Variants in CHRDL1 observed in about 807,000 individuals in gnomAD.
CHRDL1 encodes the protein chordin like 1, also known as chordin-like protein 1.
In CHRDL1, 19 loss-of-function variants were observed where a neutral mutation model predicts 40.9. The ratio of observed to expected loss-of-function variants is 0.46; its 90% CI spans 0.32 to 0.68. The LOEUF (loss-of-function observed/expected upper bound fraction) is 0.68, where lower values mean the gene tolerates loss of function less well. CHRDL1 is among the 30% of genes least tolerant of loss of function. The pLI is 0.03. For synonymous variants in CHRDL1, 136 were observed against 123.4 expected (o/e 1.10, Z -0.68); for missense variants, 329 against 352.1 (o/e 0.93, Z 0.53).
intron 2 of CHRDL1, among the ~76,000 whole-genome samples, chrX:110,785,557 C>T (rs2148535523): frequency 9.0e-6 from 1 of 111,316 alleles, no homozygotes; most frequent in East Asian, 2.8e-4. Context: ...CTTGTCTCCC[C>T]TAAGTTTATA....
intron 9 of CHRDL1, among the ~76,000 whole-genome samples, chrX:110,685,891 T>A (rs1285064272): frequency 3.7e-4 from 15 of 40,301 alleles, no homozygotes; most frequent in Non-Finnish European, 6.2e-4. Context: ...AGCCAATTTT[T>A]TTTTTTTTTT....
In CHRDL1 at chrX:110,752,037, G is replaced by A. The variant is rs757517022; in HGVS notation, c.301+7624C>T. 1.2e-4 allele frequency among the ~76,000 whole-genome samples: 13 copies of A among 112,140 alleles called. 1 individual carries two copies. The highest frequency in any genetic ancestry group is 7.5e-4 in the Admixed American group (8 of 10,637). Reference sequence around the variant, plus strand: ...AGTCAGGAACAGTAAGATAAACACCGTGTGTTCTCACTCATATGTGGAAGC... The same window carrying A: ...AGTCAGGAACAGTAAGATAAACACCATGTGTTCTCACTCATATGTGGAAGC... On this transcript the variant is annotated intron_variant, in intron 4 of 11. Coordinates refer to ENST00000372042, the MANE Select transcript of CHRDL1 (RefSeq NM_001143981.2).
intron 4 of CHRDL1, among the ~76,000 whole-genome samples, chrX:110,730,376 C>T (rs1254316400): frequency 9.0e-6 from 1 of 110,767 alleles, no homozygotes; most frequent in Non-Finnish European, 1.9e-5. Flanking sequence ...GGAAGACCGT[C>T]AGGTGTGATT....
At chrX:110,789,413 C>T (rs910099106) in intron 2 of CHRDL1, among the ~76,000 whole-genome samples, 4 of 111,859 alleles carry the variant, frequency 3.6e-5, no homozygotes, top group African/African-American at 1.3e-4. Flanking sequence ...ACATGCACTT[C>T]GACTATTTCT....
chrX:110,702,939 A>C (rs1164030021), intron 6 of CHRDL1, among the ~76,000 whole-genome samples: 2 of 112,179 alleles, frequency 1.8e-5, no homozygotes, highest in Non-Finnish European at 3.8e-5. Flanking sequence ...GAATCAATAA[A>C]TACTAAAACA....
At chrX:110,767,436 A>C (rs1481156536) in intron 2 of CHRDL1, among the ~76,000 whole-genome samples, 2 of 110,228 alleles carry the variant, frequency 1.8e-5, no homozygotes, top group Non-Finnish European at 3.8e-5. Context: ...GTTTACCTTG[A>C]AAACCATAAG....
intron 9 of CHRDL1, among the ~76,000 whole-genome samples, chrX:110,686,896 A>AC (rs1556328833): frequency 4.9e-5 from 5 of 102,261 alleles, no homozygotes; most frequent in African/African-American, 2.0e-4. Flanking sequence ...AAAAACAAAA[A>AC]ATAAAAAAAA....
In CHRDL1 at chrX:110,736,434, A is replaced by T. The variant is rs762008432; in HGVS notation, c.302-14904T>A. On this transcript the variant is annotated intron_variant, in intron 4 of 11. Transcript: ENST00000372042. Reference sequence around the variant, plus strand: ...TATTAATAAAAATTTCCAGTTTGAAACTGGGCTTCTTTTGGCAGCCAGATG... The same window carrying T: ...TATTAATAAAAATTTCCAGTTTGAATCTGGGCTTCTTTTGGCAGCCAGATG... 3.6e-5 allele frequency among the ~76,000 whole-genome samples: 4 copies of T among 112,331 alleles called. No individual in the cohort carries two copies. The Admixed American group carries it at 3.8e-4, about 11-fold the overall frequency.
intron 8 of CHRDL1, among the ~76,000 whole-genome samples, chrX:110,689,083 T>A (rs1246673996): frequency 3.7e-5 from 3 of 81,577 alleles, no homozygotes; most frequent in African/African-American, 1.4e-4. Flanking sequence ...TATATATATA[T>A]ATATATATAT....
chrX:110,689,476 CTATATATCTATATCTCTATATA>C (rs2070124326), intron 8 of CHRDL1, among the ~76,000 whole-genome samples: 2 of 49,740 alleles, frequency 4.0e-5, no homozygotes, highest in South Asian at 6.2e-4. Context: ...ATCTATATAT[CTATATATCTATATCTCTATATA>C]TCTATATATC....
intron 2 of CHRDL1, among the ~76,000 whole-genome samples, chrX:110,788,366 CAATT>C (rs1189378787): frequency 2.7e-5 from 3 of 111,772 alleles, no homozygotes; most frequent in African/African-American, 9.8e-5. Flanking sequence ...ATTTCTGAAT[CAATT>C]GAGTGAGCAT....
intron 2 of CHRDL1, among the ~76,000 whole-genome samples, chrX:110,782,982 C>G (rs1272116285): frequency 8.9e-6 from 1 of 112,067 alleles, no homozygotes; most frequent in Non-Finnish European, 1.9e-5. Flanking sequence ...ATGACCCAGA[C>G]AGAAACCTAC....
intron 6 of CHRDL1, among the ~76,000 whole-genome samples, chrX:110,714,973 C>A (rs1369948956): frequency 9.0e-6 from 1 of 111,410 alleles, no homozygotes; most frequent in African/African-American, 3.3e-5. Context: ...GGAGTTTCAA[C>A]CACATTATAT....
chrX:110,764,527 T>C (rs576640042), intron 2 of CHRDL1, among the ~76,000 whole-genome samples: 1 of 112,280 alleles, frequency 8.9e-6, no homozygotes, highest in East Asian at 2.8e-4. Flanking sequence ...ACTATGATAA[T>C]TGTGTTAACT....
At chrX:110,762,052 T>C (rs754554175) in intron 3 of CHRDL1, among the ~76,000 whole-genome samples, 5 of 112,267 alleles carry the variant, frequency 4.5e-5, no homozygotes, top group African/African-American at 1.6e-4. Flanking sequence ...AAAATAATTT[T>C]CAAAAACTAC....
At chrX:110,787,619 A>C (rs1018617188) in intron 2 of CHRDL1, among the ~76,000 whole-genome samples, 1 of 111,939 alleles carries the variant, frequency 8.9e-6, no homozygotes, top group Non-Finnish European at 1.9e-5. Flanking sequence ...AGTGGGCTTC[A>C]CATGTTTCAA....
intron 6 of CHRDL1, among the ~76,000 whole-genome samples, chrX:110,712,211 A>G (rs1198458854): frequency 8.9e-6 from 1 of 112,486 alleles, no homozygotes; most frequent in Non-Finnish European, 1.9e-5. Context: ...GTGGTCAAAG[A>G]AGATCAATGA....
At chrX:110,767,934 CA>C (rs1302864530) in intron 2 of CHRDL1, among the ~76,000 whole-genome samples, 2 of 111,806 alleles carry the variant, frequency 1.8e-5, no homozygotes, top group Admixed American at 1.9e-4. Context: ...CAGGACTAAG[CA>C]AAAAGAACAA....
chrX:110,702,650 C>T (rs888675654), intron 6 of CHRDL1, among the ~76,000 whole-genome samples: 1 of 111,963 alleles, frequency 8.9e-6, no homozygotes, highest in Non-Finnish European at 1.9e-5. Context: ...ATAGTAGTCG[C>T]TCAATAAATA....
Sources: gnomAD v4.1 joint callset for allele counts (sites outside exome capture counted in the v4.1 genomes callset) on GRCh38, gnomAD v4.1.1 for gene constraint, MANE v1.5 for transcripts, NCBI Gene and HGNC (gene_info 2026-07-23, HGNC 2026-07-21) for gene names.